SPATA1: variants seen among roughly 807,000 people sequenced by gnomAD.
SPATA1 encodes the protein spermatogenesis-associated protein 1.
Under a neutral mutation model 59.6 loss-of-function variants are expected in SPATA1, and 57 were observed. The observed-to-expected ratio is 0.96, with a 90% CI of 0.77 to 1.19. SPATA1 has a LOEUF of 1.19. Among genes scored for constraint, SPATA1 ranks in the 50% most tolerant of loss-of-function variants. The pLI, the probability that SPATA1 is intolerant of heterozygous loss-of-function variation, is 0.00. For synonymous variants in SPATA1, 147 were observed against 163.9 expected (o/e 0.90, Z 0.79); for missense variants, 448 against 480.7 (o/e 0.93, Z 0.64).
At chr1:84,551,262 C>G in intron 12 of SPATA1, 1 of 983,820 alleles carries the variant, frequency 1.0e-6, no homozygotes. Context: ...TTATCAGAAA[C>G]AGCTTTATGA....
intron 1 of SPATA1, among the ~76,000 whole-genome samples, chr1:84,510,051 A>G (rs922018093): frequency 1.8e-4 from 27 of 152,088 alleles, no homozygotes; most frequent in Non-Finnish European, 3.1e-4. Context: ...AAAGCTGGAC[A>G]TGGTGGCATG....
intron 4 of SPATA1, among the ~76,000 whole-genome samples, chr1:84,524,069 T>G (rs190733219): frequency 6.6e-6 from 1 of 151,506 alleles, no homozygotes; most frequent in African/African-American, 2.4e-5. Context: ...TCATATTTTA[T>G]ATATTCAAAA....
intron 4 of SPATA1, among the ~76,000 whole-genome samples, chr1:84,525,007 C>T (rs889359207): frequency 1.6e-4 from 24 of 152,072 alleles, no homozygotes; most frequent in Admixed American, 1.4e-3. Context: ...GACAGAGTCT[C>T]CCTCTGTTGC....
chr1:84,550,269 C>A, intron 11 of SPATA1, 163 bp from the exon 12 acceptor site: 1 of 389,702 alleles, frequency 2.6e-6, no homozygotes, highest in Non-Finnish European at 4.6e-6. Context: ...TCAACAGAAA[C>A]AAATAGTAAT....
At chr1:84,515,839 T>TAG (rs1682773712) in intron 1 of SPATA1, among the ~76,000 whole-genome samples, 1 of 152,210 alleles carries the variant, frequency 6.6e-6, no homozygotes, top group East Asian at 1.9e-4. Flanking sequence ...TATAGCCATT[T>TAG]TAACTAGCCA....
chr1:84,517,629 T>C (rs1163530141), intron 2 of SPATA1, among the ~76,000 whole-genome samples: 1 of 152,126 alleles, frequency 6.6e-6, no homozygotes, highest in Non-Finnish European at 1.5e-5. Context: ...GCCTTGGAGT[T>C]ATACTTGATT....
intron 1 of SPATA1, among the ~76,000 whole-genome samples, chr1:84,509,098 A>T (rs569251634): frequency 2.6e-5 from 4 of 152,256 alleles, no homozygotes; most frequent in African/African-American, 9.6e-5. Flanking sequence ...TAAAAGACCC[A>T]GAGTCACCAA....
exon 5 of SPATA1, chr1:84,566,089 AT>A: frequency 2.3e-6 from 2 of 860,438 alleles, no homozygotes; most frequent in Non-Finnish European, 1.6e-6. Flanking sequence ...AATTATATAT[AT>A]TTTTTACCTT....
intron 4 of SPATA1, among the ~76,000 whole-genome samples, chr1:84,560,396 C>T (rs184068915): frequency 6.6e-6 from 1 of 152,324 alleles, no homozygotes; most frequent in East Asian, 1.9e-4. Context: ...AGTTTTCCCA[C>T]TCAGTCTGTT....
intron 3 of SPATA1, among the ~76,000 whole-genome samples, chr1:84,521,925 A>G (rs140823350): frequency 2.9e-4 from 44 of 152,332 alleles, no homozygotes; most frequent in African/African-American, 9.4e-4. Context: ...TTAGATATTC[A>G]GGAGCAAAGT....
intron 6 of SPATA1, among the ~76,000 whole-genome samples, chr1:84,529,629 T>G (rs944246290): frequency 2.3e-5 from 3 of 132,990 alleles, no homozygotes; most frequent in Non-Finnish European, 3.1e-5. Flanking sequence ...GTTGCCAGGC[T>G]GCAGTGCAGT....
exon 5 of SPATA1, chr1:84,566,077 A>T (rs1015137760): frequency 2.7e-5 from 27 of 1,001,126 alleles, no homozygotes; most frequent in African/African-American, 1.2e-4. Context: ...TCAGATTTTT[A>T]AAATTATATA....
intron 8 of SPATA1, among the ~76,000 whole-genome samples, chr1:84,543,912 A>C (rs1451753038): frequency 6.6e-6 from 1 of 152,268 alleles, no homozygotes; most frequent in African/African-American, 2.4e-5. Context: ...TAAAGTTATC[A>C]TAACAGGTAA....
intron 2 of SPATA1, among the ~76,000 whole-genome samples, chr1:84,517,019 AC>A (rs1440629774): frequency 2.0e-5 from 3 of 152,124 alleles, no homozygotes; most frequent in African/African-American, 7.2e-5. Flanking sequence ...TCTTAAACCA[AC>A]TGCGGTCAAG....
chr1:84,564,740 T>C (rs1264526688), intron 4 of SPATA1, among the ~76,000 whole-genome samples: 1 of 152,172 alleles, frequency 6.6e-6, no homozygotes, highest in Non-Finnish European at 1.5e-5. Context: ...GAATAAGTTA[T>C]TTTTCAACTT....
chr1:84,530,581 T>C (rs1006138539), intron 6 of SPATA1, among the ~76,000 whole-genome samples: 10 of 152,086 alleles, frequency 6.6e-5, no homozygotes, highest in African/African-American at 2.2e-4. Flanking sequence ...AGATGGAAAA[T>C]AGACTTAGGG....
chr1:84,532,438 G>A (rs898023651), intron 6 of SPATA1, among the ~76,000 whole-genome samples: 1 of 152,154 alleles, frequency 6.6e-6, no homozygotes, highest in East Asian at 1.9e-4. Context: ...AGAGGCTACA[G>A]TGAACTGAGA....
chr1:84,556,369 G>C (rs571556088), downstream of SPATA1, among the ~76,000 whole-genome samples: 2 of 152,166 alleles, frequency 1.3e-5, no homozygotes, highest in Admixed American at 6.5e-5. Flanking sequence ...CTGAATTAAT[G>C]CCAGTAATAT....
chr1:84,540,175 A>G (rs1683852714), intron 8 of SPATA1, among the ~76,000 whole-genome samples: 1 of 152,048 alleles, frequency 6.6e-6, no homozygotes, highest in Non-Finnish European at 1.5e-5. Context: ...CTAGTCTGAA[A>G]GTCTTTTTTA....
Sources: allele counts gnomAD v4.1 joint callset (sites outside exome capture counted in the v4.1 genomes callset), GRCh38; gene constraint gnomAD v4.1.1; transcripts MANE v1.5; gene names NCBI Gene and HGNC (gene_info 2026-07-23, HGNC 2026-07-21).